MTCH2: variants seen among roughly 807,000 people sequenced by gnomAD.
MTCH2 encodes the protein mitochondrial carrier 2.
In MTCH2, 25 loss-of-function variants were observed where a neutral mutation model predicts 50.6. That is an observed-to-expected ratio of 0.49 (90% CI 0.36 to 0.69). The LOEUF (loss-of-function observed/expected upper bound fraction) is 0.69, where lower values mean the gene tolerates loss of function less well. Ranked by LOEUF, MTCH2 falls within the 30% of genes least tolerant of loss-of-function variation. The pLI is 0.00. For synonymous variants in MTCH2, 106 were observed against 132.0 expected (o/e 0.80, Z 1.35); for missense variants, 273 against 384.4 (o/e 0.71, Z 2.42).
At chr11:47,639,605 G>A (rs1457899090) in intron 1 of MTCH2, among the ~76,000 whole-genome samples, 2 of 152,168 alleles carry the variant, frequency 1.3e-5, no homozygotes, top group Non-Finnish European at 2.9e-5. Flanking sequence ...TTGGGAGACC[G>A]AGGGGGATGG....
chr11:47,615,970 AT>A (rs1266992236), downstream of MTCH2, among the ~76,000 whole-genome samples: 1 of 150,964 alleles, frequency 6.6e-6, no homozygotes, highest in African/African-American at 2.4e-5. Flanking sequence ...TACCTTCTTT[AT>A]TTTTAAGATG....
intron 1 of MTCH2, among the ~76,000 whole-genome samples, chr11:47,642,071 C>T (rs1192450417): frequency 1.3e-5 from 2 of 152,142 alleles, no homozygotes. Flanking sequence ...TGGCGACCGG[C>T]CAGGATCCAC....
downstream of MTCH2, among the ~76,000 whole-genome samples, chr11:47,616,700 A>G (rs1343002496): frequency 6.9e-6 from 1 of 145,660 alleles, no homozygotes; most frequent in Non-Finnish European, 1.5e-5. Flanking sequence ...TTTTTTTAAG[A>G]GATGGGAGTT....
Position 47,625,610 on chromosome 11 carries a change from A to C in MTCH2, c.749+64T>G, listed in dbSNP as rs2097297357. The C allele has an allele frequency of 3.8e-6, 4 of 1,049,432 alleles. No homozygotes were observed. The African/African-American group carries it at 7.1e-5, about 19-fold the overall frequency. The allele number at this position is 1,049,432 out of a possible 1,614,324, so 65.0% of individuals were successfully genotyped here. A position where few individuals can be genotyped will look rare whatever the true frequency, so the allele number is the denominator to read the frequency against. On this transcript the variant is annotated intron_variant, in intron 11 of 12. Transcript: ENST00000302503. ...CATTCATCTTTCCTAAATTTCTACA[A>C]GGCTGCTCCGCCTGTCAGCATACAG... is the stretch of plus-strand genomic sequence containing the variant.
intron 1 of MTCH2, 90 bp downstream of exon 1, chr11:47,642,289 G>T: frequency 8.9e-7 from 1 of 1,124,884 alleles, no homozygotes; most frequent in Non-Finnish European, 1.3e-6. Context: ...AGAATGAAAG[G>T]CCCGCAAGGC....
chr11:47,631,710 G>A lies in MTCH2; in HGVS notation c.371C>T (p.Thr124Ile), dbSNP rs1221780860. ...AGAACGAGCGATCATCTCTCGAGTT[G>A]TCTAGAAACAATCAACACACACTTC... The part of the protein sequence containing the change: ...SSSFDHVIKE[T>I]TREMIARSAA... Residue 124 changes from threonine (T) to isoleucine (I), a missense_variant and splice_region_variant, in exon 6 of 13, where the codon ACA becomes ATA. Physicochemically the swap from Thr to Ile is moderately conservative, Grantham distance 89 (BLOSUM62 -1). Coordinates refer to ENST00000302503, the MANE Select transcript of MTCH2 (RefSeq NM_014342.4). The A allele has an allele frequency of 1.9e-6, 3 of 1,613,942 alleles. No individual in the cohort carries two copies. In the South Asian group the frequency reaches 3.3e-5, roughly 18 times the overall value.
intron 4 of MTCH2, 92 bp downstream of exon 4, chr11:47,635,453 T>C: frequency 7.2e-7 from 1 of 1,388,148 alleles, no homozygotes; most frequent in Non-Finnish European, 1.0e-6. Flanking sequence ...AATAGGAGAC[T>C]GACTACTTGG....
At chr11:47,642,326 A>G (rs1051001384) in intron 1 of MTCH2, 53 bp downstream of exon 1, 51 of 1,493,582 alleles carry the variant, frequency 3.4e-5, no homozygotes, top group Non-Finnish European at 4.5e-5. Context: ...CGCCCTGAGC[A>G]GCAGCGACCG....
At position 47,630,627 on chromosome 11, in the gene MTCH2, G is replaced by C. The variant is rs778782785; in HGVS notation, c.480-13C>G. ...ATCACAAAGTCCACTACGTACACAAGAAGAAAAGGTAAAATATATTAAGAT... is the reference window on the plus strand; with the variant it reads ...ATCACAAAGTCCACTACGTACACAACAAGAAAAGGTAAAATATATTAAGAT... On this transcript the variant is annotated splice_polypyrimidine_tract_variant and intron_variant, in intron 7 of 12. Transcript: ENST00000302503. The C allele has an allele frequency of 6.3e-7, 1 of 1,597,172 alleles. No homozygotes were observed. The highest frequency in any genetic ancestry group is 2.2e-5 in the East Asian group (1 of 44,772).
intron 1 of MTCH2, among the ~76,000 whole-genome samples, chr11:47,641,185 C>T (rs1443740806): frequency 2.6e-5 from 4 of 152,198 alleles, no homozygotes; most frequent in African/African-American, 9.7e-5. Flanking sequence ...CGAACGCGCC[C>T]GGCCCCAAGG....
chr11:47,611,731 G>A, the MTCH2 span, among the ~76,000 whole-genome samples: 2 of 152,176 alleles, frequency 1.3e-5, no homozygotes, highest in Non-Finnish European at 2.9e-5. Flanking sequence ...ACTCTCTCAA[G>A]TACCAACCTC....
intron 5 of MTCH2, among the ~76,000 whole-genome samples, chr11:47,632,357 ATTT>A (rs34382888): frequency 1.4e-5 from 2 of 138,594 alleles, no homozygotes; most frequent in African/African-American, 2.6e-5. Context: ...TGGCTTTTGC[ATTT>A]TTTTTTTTTT....
rs747160917 is a variant in MTCH2 at position 47,639,051 on chromosome 11, C to T, written c.88G>A (p.Val30Met). Residue 30 changes from valine (V) to methionine (M), a missense_variant and splice_region_variant, in exon 2 of 13, where the codon GTG (valine) becomes ATG (methionine). By Grantham distance (21) the Val-to-Met change is conservative. Transcript: ENST00000302503. ...GTTGGAGGAAGAGGCTCATATCCCA[C>T]CTTTAAAAACAATGGAATATATCAA... ...PLMYVKVLIQ[V>M]GYEPLPPTIG... The T allele has an allele frequency of 6.2e-7, 1 of 1,606,448 alleles. No homozygotes were observed. The highest frequency in any genetic ancestry group is 8.5e-7 in the Non-Finnish European group (1 of 1,175,558).
downstream of MTCH2, among the ~76,000 whole-genome samples, chr11:47,615,386 T>C (rs1461431889): frequency 1.3e-5 from 2 of 152,148 alleles, no homozygotes; most frequent in Non-Finnish European, 2.9e-5. Context: ...GTCAGTTAGT[T>C]TGTACTATCA....
At chr11:47,609,152 AAG>A in the MTCH2 span, among the ~76,000 whole-genome samples, 1 of 148,690 alleles carries the variant, frequency 6.7e-6, no homozygotes, top group African/African-American at 2.5e-5. Flanking sequence ...AAAAAGAAAA[AAG>A]AAAAAAAAAT....
chr11:47,606,281 G>T, the MTCH2 span, among the ~76,000 whole-genome samples: 1 of 152,214 alleles, frequency 6.6e-6, no homozygotes, highest in African/African-American at 2.4e-5. Flanking sequence ...GAAAATCAGA[G>T]TTGAGTATTC....
At chr11:47,607,446 G>C in the MTCH2 span, among the ~76,000 whole-genome samples, 388 of 152,320 alleles carry the variant, frequency 2.5e-3, 1 homozygote, top group Non-Finnish European at 4.2e-3. Context: ...AGAAGAGTGT[G>C]GGGGCGGAGG....
chr11:47,630,530 T>C lies in MTCH2; in HGVS notation c.539+25A>G. The C allele has an allele frequency of 3.8e-6, 6 of 1,580,122 alleles. No homozygotes were observed. In the South Asian group the frequency reaches 6.7e-5, roughly 18 times the overall value. ...AAACGTTTCCCACTCATGCAAAAAT[T>C]ACACACTAATCAACATTTACTCACG... On this transcript the variant is annotated intron_variant, in intron 8 of 12. Coordinates refer to ENST00000302503, the MANE Select transcript of MTCH2 (RefSeq NM_014342.4).
chr11:47,635,689 GTTTTT>G (rs772508663), intron 3 of MTCH2, 118 bp from the exon 4 acceptor site: 1 of 641,350 alleles, frequency 1.6e-6, no homozygotes, highest in Non-Finnish European at 2.3e-6. Flanking sequence ...TAAAGTTTTT[GTTTTT>G]TTTTTTAAGC....
Sources: gnomAD v4.1 joint callset for allele counts (sites outside exome capture counted in the v4.1 genomes callset) on GRCh38, gnomAD v4.1.1 for gene constraint, MANE v1.5 for transcripts, NCBI Gene and HGNC (gene_info 2026-07-23, HGNC 2026-07-21) for gene names.